The following MROH1 variants were observed in gnomAD, a reference collection of about 807,000 sequenced individuals.
MROH1 encodes the protein maestro heat-like repeat-containing protein family member 1.
In MROH1, 117 loss-of-function variants were observed where a neutral mutation model predicts 116.5. The observed-to-expected ratio is 1.00, with a 90% CI of 0.86 to 1.17. MROH1 has a LOEUF of 1.17. Ranked by LOEUF, MROH1 falls within the 50% of genes most tolerant of loss-of-function variation. MROH1 has a pLI of 0.00. For missense variants in MROH1, 1,873 were observed against 1,338.5 expected (o/e 1.40, Z -6.23); for synonymous variants, 921 against 583.9 (o/e 1.58, Z -8.32).
In MROH1 at chr8:144,239,376, C is replaced by T. The variant is rs915448011; in HGVS notation, c.1632+13C>T. ...CGGAAGACTGTTGGTGAGCCTCGCCCTTTCACAGCGTGCCCAGCGCCCCAC... is the reference window on the plus strand; with the variant it reads ...CGGAAGACTGTTGGTGAGCCTCGCCTTTTCACAGCGTGCCCAGCGCCCCAC... On this transcript the variant is annotated intron_variant, in intron 17 of 43. Coordinates refer to ENST00000326134, the MANE Select transcript of MROH1 (RefSeq NM_032450.3). 9.0e-6 allele frequency: 7 copies of T among 780,472 alleles called. No individual in the cohort carries two copies. Among genetic ancestry groups the T allele is most frequent in the Non-Finnish European group, 1.4e-5 (6 of 417,872 alleles). The allele number at this position is 780,472 out of a possible 1,614,324, so 48.3% of individuals were successfully genotyped here. A position where few individuals can be genotyped will look rare whatever the true frequency, so the allele number is the denominator to read the frequency against.
At chr8:144,171,914 C>G (rs376612805) in intron 4 of MROH1, among the ~76,000 whole-genome samples, 1 of 152,314 alleles carries the variant, frequency 6.6e-6, no homozygotes, top group East Asian at 1.9e-4. Flanking sequence ...CAGGCTACGA[C>G]AGACAGAAAG....
In MROH1 at chr8:144,259,501, A is replaced by G. The variant is rs1011523383; in HGVS notation, c.4044+147A>G. On this transcript the variant is annotated intron_variant, in intron 37 of 43. Transcript: ENST00000326134. The stretch of plus-strand genomic sequence containing the variant: ...GTGGATGCTAGCTACCTCCTCCCCC[A>G]TGCCAGAACTCACTCAGTCCCACCC... 10 of 678,860 alleles carry G rather than the reference A, an allele frequency of 1.5e-5. No individual in the cohort carries two copies. The East Asian group carries it at 2.7e-4, about 18-fold the overall frequency. The allele number at this position is 678,860 out of a possible 1,614,324, so 42.1% of individuals were successfully genotyped here. A position where few individuals can be genotyped will look rare whatever the true frequency, so the allele number is the denominator to read the frequency against.
chr8:144,153,766 T>C (rs1429478798), intron 1 of MROH1, among the ~76,000 whole-genome samples: 2 of 152,170 alleles, frequency 1.3e-5, no homozygotes, highest in Non-Finnish European at 2.9e-5. Context: ...TTTTATTTTA[T>C]TTTTTATTTT....
intron 14 of MROH1, among the ~76,000 whole-genome samples, chr8:144,223,904 C>A (rs939250012): frequency 2.0e-5 from 3 of 152,204 alleles, no homozygotes; most frequent in Admixed American, 6.5e-5. Context: ...GCCCACTGTG[C>A]CTCAAGTGGG....
At position 144,204,502 on chromosome 8, in the gene MROH1, A is replaced by G. The variant is rs1291493342; in HGVS notation, c.1141+3961A>G. Among the ~76,000 whole-genome samples the G allele has an allele frequency of 3.9e-5, 6 of 152,228 alleles. No homozygotes were observed. The East Asian group carries it at 5.8e-4, about 15-fold the overall frequency. The stretch of plus-strand genomic sequence containing the variant: ...ACTGTTCAGCTTCATGAATAATCAC[A>G]CAGTAAGCCTATGTATTTATTCACC... On this transcript the variant is annotated intron_variant, in intron 12 of 43. Transcript: ENST00000326134.
At chr8:144,224,543 G>A (rs576648888) in intron 14 of MROH1, among the ~76,000 whole-genome samples, 5 of 152,248 alleles carry the variant, frequency 3.3e-5, no homozygotes, top group Admixed American at 6.5e-5. Flanking sequence ...TAGGATTACC[G>A]GTGTGTGCCA....
chr8:144,241,242 T>C (rs1840925227), intron 21 of MROH1, 131 bp downstream of exon 21: 2 of 691,152 alleles, frequency 2.9e-6, no homozygotes, highest in Non-Finnish European at 5.4e-6. Context: ...GTGGTGTGCG[T>C]ATATGCAGAG....
At chr8:144,212,917 T>A in intron 12 of MROH1, 1 of 715,186 alleles carries the variant, frequency 1.4e-6, no homozygotes, top group Non-Finnish European at 2.6e-6. Flanking sequence ...TCTATCTCTG[T>A]TCTCAGGAAT....
chr8:144,235,299 C>G (rs1441905043), intron 14 of MROH1, among the ~76,000 whole-genome samples: 1 of 152,192 alleles, frequency 6.6e-6, no homozygotes, highest in African/African-American at 2.4e-5. Context: ...AGGATTGTGT[C>G]ATCTACAACT....
intron 24 of MROH1, 87 bp from the exon 25 acceptor site, chr8:144,243,407 G>T (rs1564549951): frequency 6.7e-6 from 5 of 750,432 alleles, no homozygotes; most frequent in African/African-American, 1.7e-5. Flanking sequence ...CAGCACTTCT[G>T]GTTTCAGAGG....
intron 4 of MROH1, among the ~76,000 whole-genome samples, chr8:144,172,283 T>C (rs577593802): frequency 1.3e-5 from 2 of 152,338 alleles, no homozygotes; most frequent in Admixed American, 1.3e-4. Flanking sequence ...TACTATCTAT[T>C]ATCTCTGAAG....
intron 29 of MROH1, among the ~76,000 whole-genome samples, chr8:144,245,652 T>C (rs1056955060): frequency 9.2e-5 from 14 of 152,142 alleles, no homozygotes; most frequent in African/African-American, 3.4e-4. Context: ...TATTCTAGGC[T>C]TTCTTTTCTC....
chr8:144,169,454 T>TA lies in MROH1; in HGVS notation c.168+1014_168+1015insA, dbSNP rs1157882948. On this transcript the variant is annotated intron_variant, in intron 4 of 43. Coordinates refer to ENST00000326134, the MANE Select transcript of MROH1 (RefSeq NM_032450.3). ...TTTAATAAATTTATTTATTCATTAT[T>TA]GTTATTTTTTTTTTTTGAGATGGAG... Among the ~76,000 whole-genome samples the TA allele has an allele frequency of 5.6e-3, 227 of 40,734 alleles. 4 individuals are homozygous for TA. The highest frequency in any genetic ancestry group is 5.8e-3 in the Non-Finnish European group (115 of 19,982). The allele number at this position is 40,734 out of a possible 152,430, so 26.7% of individuals were successfully genotyped here.
chr8:144,168,967 T>G (rs890897884), intron 4 of MROH1, among the ~76,000 whole-genome samples: 7 of 152,190 alleles, frequency 4.6e-5, no homozygotes, highest in African/African-American at 1.7e-4. Context: ...TACAAGAGCC[T>G]CTTGGGAACT....
At chr8:144,170,807 C>G (rs1587852750) in intron 4 of MROH1, among the ~76,000 whole-genome samples, 1 of 152,230 alleles carries the variant, frequency 6.6e-6, no homozygotes, top group South Asian at 2.1e-4. Flanking sequence ...CGGTTTTAGA[C>G]ACATCCAGTC....
intron 12 of MROH1, among the ~76,000 whole-genome samples, chr8:144,220,146 G>A (rs1836394582): frequency 6.6e-6 from 1 of 152,142 alleles, no homozygotes; most frequent in Non-Finnish European, 1.5e-5. Flanking sequence ...TTCTCAAGGG[G>A]GTCCCCAGAC....
chr8:144,207,316 T>C (rs188969956), intron 12 of MROH1, among the ~76,000 whole-genome samples: 1 of 152,058 alleles, frequency 6.6e-6, no homozygotes, highest in East Asian at 1.9e-4. Context: ...GCCTCCCAAG[T>C]AGCTAGGACT....
intron 1 of MROH1, among the ~76,000 whole-genome samples, chr8:144,148,336 G>A (rs1197846652): frequency 6.6e-6 from 1 of 152,164 alleles, no homozygotes; most frequent in Non-Finnish European, 1.5e-5. Flanking sequence ...CCGCTAAGTC[G>A]TCTCGGCCGC....
chr8:144,246,029 CA>C (rs1841840374), intron 29 of MROH1, among the ~76,000 whole-genome samples: 1 of 107,644 alleles, frequency 9.3e-6, no homozygotes, highest in East Asian at 3.0e-4. Context: ...CTCCCTCCCT[CA>C]CCTCCCTCCC....
Sources: gnomAD v4.1 joint callset for allele counts (sites outside exome capture counted in the v4.1 genomes callset) on GRCh38, gnomAD v4.1.1 for gene constraint, MANE v1.5 for transcripts, NCBI Gene and HGNC (gene_info 2026-07-23, HGNC 2026-07-21) for gene names.